Variants in LIMCH1 observed in about 807,000 individuals in gnomAD.
LIMCH1 encodes LIM and calponin homology domains 1, also known as LIM and calponin homology domains-containing protein 1.
A neutral mutation model predicts 176.5 loss-of-function variants in LIMCH1; 113 were observed. The ratio of observed to expected loss-of-function variants is 0.64; its 90% CI spans 0.55 to 0.75. LIMCH1 has a LOEUF of 0.75. Among genes scored for constraint, LIMCH1 ranks in the 30% least tolerant of loss-of-function variants. LIMCH1 has a pLI of 0.00. For synonymous variants in LIMCH1, 619 were observed against 645.9 expected (o/e 0.96, Z 0.63); for missense variants, 1,674 against 1,814.9 (o/e 0.92, Z 1.41).
At chr4:41,493,005 C>G (rs1028528181) in intron 1 of LIMCH1, among the ~76,000 whole-genome samples, 1 of 151,806 alleles carries the variant, frequency 6.6e-6, no homozygotes, top group African/African-American at 2.4e-5. Flanking sequence ...TATGGTTAAT[C>G]CAGCTTTCTT....
intron 1 of LIMCH1, among the ~76,000 whole-genome samples, chr4:41,577,900 G>A (rs1314223134): frequency 1.3e-5 from 2 of 152,128 alleles, no homozygotes; most frequent in Non-Finnish European, 2.9e-5. Flanking sequence ...GCGATCTCTT[G>A]TTGTTGAACA....
chr4:41,497,516 A>C (rs60731713), intron 2 of LIMCH1, among the ~76,000 whole-genome samples: 9,487 of 152,258 alleles, frequency 0.062, 333 homozygotes, highest in Non-Finnish European at 0.07. Context: ...AAAAGTATTT[A>C]AGTTTGGCCG....
intron 10 of LIMCH1, 141 bp downstream of exon 10, chr4:41,631,618 G>T (rs1406324271): frequency 1.5e-6 from 1 of 681,894 alleles, no homozygotes; most frequent in Non-Finnish European, 2.3e-6. Context: ...TAATGTTAGC[G>T]GGTCCCCCTG....
chr4:41,629,786 T>A lies in LIMCH1; in HGVS notation c.1271+52T>A, dbSNP rs545703279. 5 of 1,489,752 alleles carry A rather than the reference T, an allele frequency of 3.4e-6. No individual in the cohort carries two copies. The African/African-American group carries it at 7.1e-5, about 21-fold the overall frequency. The allele number at this position is 1,489,752 out of a possible 1,614,324, so 92.3% of individuals were successfully genotyped here. ...CCCCTGGCAGTCATGGTATTTCATT[T>A]TGAAGGCATCAAATGCTTATCTTTG... On this transcript the variant is annotated intron_variant, in intron 9 of 31. Coordinates refer to ENST00000503057, the MANE Select transcript of LIMCH1 (RefSeq NM_001330672.2).
chr4:41,680,609 A>G (rs1714918552), intron 24 of LIMCH1, among the ~76,000 whole-genome samples: 2 of 152,190 alleles, frequency 1.3e-5, no homozygotes, highest in South Asian at 2.1e-4. Flanking sequence ...CATTTTATGT[A>G]TGTTATCTAA....
At chr4:41,544,941 A>T (rs2079164563) in intron 1 of LIMCH1, among the ~76,000 whole-genome samples, 1 of 152,204 alleles carries the variant, frequency 6.6e-6, no homozygotes, top group African/African-American at 2.4e-5. Context: ...TAATGAAGAT[A>T]CAGAATTTTG....
chr4:41,598,231 A>C (rs1247888310), intron 1 of LIMCH1, among the ~76,000 whole-genome samples: 1 of 152,232 alleles, frequency 6.6e-6, no homozygotes, highest in Non-Finnish European at 1.5e-5. Context: ...GACTTAAAAT[A>C]GATGAAGACA....
chr4:41,369,637 T>G (rs1338352525), intron 1 of LIMCH1, among the ~76,000 whole-genome samples: 1 of 148,874 alleles, frequency 6.7e-6, no homozygotes, highest in African/African-American at 2.6e-5. Flanking sequence ...AGTTTTTGCC[T>G]TTTTTTTAGA....
At chr4:41,487,450 G>C (rs907623298) in intron 1 of LIMCH1, among the ~76,000 whole-genome samples, 5 of 152,110 alleles carry the variant, frequency 3.3e-5, no homozygotes, top group African/African-American at 1.2e-4. Flanking sequence ...CAAACACATG[G>C]TGCCTATTCC....
intron 2 of LIMCH1, among the ~76,000 whole-genome samples, chr4:41,521,315 T>C (rs1292612768): frequency 6.6e-6 from 1 of 152,274 alleles, no homozygotes; most frequent in South Asian, 2.1e-4. Flanking sequence ...GTTCATTTTT[T>C]CTTCTACAAA....
intron 2 of LIMCH1, among the ~76,000 whole-genome samples, chr4:41,497,253 A>G (rs2072341012): frequency 6.6e-6 from 1 of 152,076 alleles, no homozygotes; most frequent in Non-Finnish European, 1.5e-5. Context: ...TGTTAGTAGC[A>G]ACTGTGTAGA....
intron 14 of LIMCH1, among the ~76,000 whole-genome samples, chr4:41,641,726 C>T (rs555760370): frequency 6.6e-6 from 1 of 152,134 alleles, no homozygotes; most frequent in African/African-American, 2.4e-5. Context: ...TGGCTGCACC[C>T]CATCACACAA....
chr4:41,620,808 T>TAG (rs1405602673), intron 7 of LIMCH1, 118 bp downstream of exon 7: 1 of 1,174,266 alleles, frequency 8.5e-7, no homozygotes, highest in Non-Finnish European at 1.2e-6. Flanking sequence ...TCCTATTGCA[T>TAG]CACTGTTCCC....
intron 2 of LIMCH1, among the ~76,000 whole-genome samples, chr4:41,523,475 A>T (rs189885341): frequency 6.6e-6 from 1 of 152,188 alleles, no homozygotes; most frequent in African/African-American, 2.4e-5. Context: ...TGACCTCTCA[A>T]TTATGATACA....
At chr4:41,382,582 A>G (rs558165095) in intron 1 of LIMCH1, among the ~76,000 whole-genome samples, 8 of 152,222 alleles carry the variant, frequency 5.3e-5, no homozygotes, top group Admixed American at 1.3e-4. Context: ...TAGGTGTGGA[A>G]AGGAGGGGAG....
At chr4:41,641,382 T>G (rs2093816564) in intron 14 of LIMCH1, among the ~76,000 whole-genome samples, 1 of 152,148 alleles carries the variant, frequency 6.6e-6, no homozygotes. Flanking sequence ...CTCAACTTCT[T>G]AATTTTTTTT....
At chr4:41,589,069 A>G (rs891085332) in intron 1 of LIMCH1, among the ~76,000 whole-genome samples, 1 of 152,090 alleles carries the variant, frequency 6.6e-6, no homozygotes, top group South Asian at 2.1e-4. Flanking sequence ...CTGAAGCTAC[A>G]TGCAGTGGCC....
intron 1 of LIMCH1, among the ~76,000 whole-genome samples, chr4:41,436,795 T>C (rs2062129715): frequency 6.7e-6 from 1 of 148,300 alleles, no homozygotes; most frequent in African/African-American, 2.4e-5. Context: ...AGTATGGAGC[T>C]GGTTGAAAAA....
intron 1 of LIMCH1, among the ~76,000 whole-genome samples, chr4:41,539,408 G>C (rs1227807320): frequency 6.6e-6 from 1 of 152,154 alleles, no homozygotes; most frequent in Non-Finnish European, 1.5e-5. Context: ...TCAGCAGCCA[G>C]CCTTTGACTC....
Sources: gnomAD v4.1 joint callset for allele counts (sites outside exome capture counted in the v4.1 genomes callset) on GRCh38, gnomAD v4.1.1 for gene constraint, MANE v1.5 for transcripts, NCBI Gene and HGNC (gene_info 2026-07-23, HGNC 2026-07-21) for gene names.